DSCAM: variants seen among roughly 807,000 people sequenced by gnomAD.
DSCAM encodes the protein cell adhesion molecule DSCAM.
Under a neutral mutation model 217.7 loss-of-function variants are expected in DSCAM, and 47 were observed. That is an observed-to-expected ratio of 0.22 (90% CI 0.17 to 0.28). The LOEUF (loss-of-function observed/expected upper bound fraction) is 0.28, where lower values mean the gene tolerates loss of function less well. Ranked by LOEUF, DSCAM falls within the 10% of genes least tolerant of loss-of-function variation. The pLI, the probability that DSCAM is intolerant of heterozygous loss-of-function variation, is 1.00. For missense variants in DSCAM, 2,080 were observed against 2,618.3 expected (o/e 0.79, Z 4.49); for synonymous variants, 1,056 against 1,015.3 (o/e 1.04, Z -0.76).
chr21:40,172,033 C>G (rs2090664228), intron 15 of DSCAM, among the ~76,000 whole-genome samples: 1 of 152,168 alleles, frequency 6.6e-6, no homozygotes, highest in Non-Finnish European at 1.5e-5. Context: ...ACTTTGGAAG[C>G]CAAAGTGGGC....
chr21:40,676,682 A>G (rs2090343989), intron 3 of DSCAM, among the ~76,000 whole-genome samples: 1 of 152,204 alleles, frequency 6.6e-6, no homozygotes, highest in South Asian at 2.1e-4. Flanking sequence ...GGAAAGTTCG[A>G]ACACAGAATT....
intron 20 of DSCAM, among the ~76,000 whole-genome samples, chr21:40,118,717 C>G (rs1318428911): frequency 6.6e-6 from 1 of 152,202 alleles, no homozygotes; most frequent in East Asian, 1.9e-4. Flanking sequence ...TCTCTTCCTG[C>G]AAGCCAGGGC....
At chr21:40,123,436 A>G (rs1462031693) in intron 20 of DSCAM, among the ~76,000 whole-genome samples, 1 of 152,202 alleles carries the variant, frequency 6.6e-6, no homozygotes, top group African/African-American at 2.4e-5. Context: ...GCTGCAGAAA[A>G]TGTCATAATG....
chr21:40,227,175 G>A (rs1004485204), intron 11 of DSCAM, among the ~76,000 whole-genome samples: 2 of 152,072 alleles, frequency 1.3e-5, no homozygotes, highest in African/African-American at 4.8e-5. Context: ...AATCATTTAA[G>A]GATCAAAGAC....
chr21:40,197,475 C>T (rs188469864), intron 11 of DSCAM, among the ~76,000 whole-genome samples: 89 of 152,330 alleles, frequency 5.8e-4, no homozygotes, highest in Middle Eastern at 3.4e-3. Flanking sequence ...CTGGAAATGA[C>T]TAGACCTATT....
At chr21:40,113,892 A>G (rs1298949740) in intron 20 of DSCAM, among the ~76,000 whole-genome samples, 3 of 152,008 alleles carry the variant, frequency 2.0e-5, no homozygotes, top group Non-Finnish European at 2.9e-5. Context: ...ACTACAAACC[A>G]CTGCTCAACG....
In DSCAM at chr21:40,378,554, ATTTTTTTTTTTTTTTTTTTTTTTTTT is replaced by A. The variant is rs71186931; in HGVS notation, c.509-9335_509-9310del. On this transcript the variant is annotated intron_variant, in intron 3 of 32. Transcript: ENST00000400454. ...ATGCATAATTTAACAATGAAAACTT[ATTTTTTTTTTTTTTTTTTTTTTTTTT>A]TTTTTTTTTTTTTTTTTTTTTTTTT... 2.7e-3 allele frequency among the ~76,000 whole-genome samples: 207 copies of A among 75,712 alleles called. 14 individuals are homozygous for A. The highest frequency in any genetic ancestry group is 9.1e-3 in the African/African-American group (178 of 19,646). The allele number at this position is 75,712 out of a possible 152,430, so 49.7% of individuals were successfully genotyped here.
intron 3 of DSCAM, among the ~76,000 whole-genome samples, chr21:40,579,557 T>C (rs923307890): frequency 2.6e-5 from 4 of 152,050 alleles, no homozygotes; most frequent in African/African-American, 4.8e-5. Context: ...TCTAGAAAGA[T>C]TACAAGCCAA....
chr21:40,429,604 T>C (rs1014910502), intron 3 of DSCAM, among the ~76,000 whole-genome samples: 8 of 152,184 alleles, frequency 5.3e-5, no homozygotes, highest in Non-Finnish European at 1.0e-4. Flanking sequence ...TGGACCCAGA[T>C]AGCCTGGGCT....
intron 3 of DSCAM, among the ~76,000 whole-genome samples, chr21:40,427,711 G>A (rs149182109): frequency 1.6e-4 from 25 of 152,332 alleles, no homozygotes; most frequent in Non-Finnish European, 1.3e-4. Context: ...TTGGAAGAAT[G>A]CTGCAGATTC....
chr21:40,082,886 C>T lies in DSCAM; in HGVS notation c.4231+1022G>A, dbSNP rs569193473. ...GGGAAGGGATGTGGCACCTCACTCTCGGAGCTGGAAGGAGCTGCTCCAGCA... is the reference window on the plus strand; with the variant it reads ...GGGAAGGGATGTGGCACCTCACTCTTGGAGCTGGAAGGAGCTGCTCCAGCA... On this transcript the variant is annotated intron_variant, in intron 24 of 32. Transcript: ENST00000400454. Among the ~76,000 whole-genome samples the T allele has an allele frequency of 5.9e-3, 892 of 152,226 alleles. 9 individuals carry two copies. The highest frequency in any genetic ancestry group is 8.1e-3 in the Non-Finnish European group (548 of 68,022).
chr21:40,302,328 G>A (rs2074026462), intron 9 of DSCAM, among the ~76,000 whole-genome samples: 1 of 152,084 alleles, frequency 6.6e-6, no homozygotes, highest in African/African-American at 2.4e-5. Flanking sequence ...GATAGTGAAT[G>A]AGTCTCATGA....
At chr21:40,448,417 G>GC (rs1199456872) in intron 3 of DSCAM, among the ~76,000 whole-genome samples, 4 of 151,982 alleles carry the variant, frequency 2.6e-5, no homozygotes, top group East Asian at 1.9e-4. Context: ...TACACTAGTG[G>GC]CCCCCCAGTT....
chr21:40,329,845 C>A (rs1189457618), intron 8 of DSCAM, among the ~76,000 whole-genome samples: 1 of 151,822 alleles, frequency 6.6e-6, no homozygotes, highest in Non-Finnish European at 1.5e-5. Context: ...AAAGGTTGAT[C>A]TTATAGAAGT....
intron 1 of DSCAM, among the ~76,000 whole-genome samples, chr21:40,829,078 T>A (rs539776868): frequency 6.6e-6 from 1 of 152,334 alleles, no homozygotes; most frequent in East Asian, 1.9e-4. Context: ...GTCAATTTTA[T>A]CTGCCCAGGG....
intron 3 of DSCAM, among the ~76,000 whole-genome samples, chr21:40,603,922 T>G (rs1158029962): frequency 9.4e-6 from 1 of 106,314 alleles, no homozygotes; most frequent in Non-Finnish European, 1.9e-5. Flanking sequence ...CTTTTTTGCA[T>G]TTCTTTTTTT....
chr21:40,669,591 T>TATA (rs893213692), intron 3 of DSCAM, among the ~76,000 whole-genome samples: 2 of 4,550 alleles, frequency 4.4e-4, no homozygotes, highest in African/African-American at 7.1e-4. Context: ...GTTATATATA[T>TATA]TTTTTTTTTT....
At chr21:40,552,208 G>A (rs1423764641) in intron 3 of DSCAM, among the ~76,000 whole-genome samples, 4 of 152,116 alleles carry the variant, frequency 2.6e-5, no homozygotes, top group Non-Finnish European at 5.9e-5. Flanking sequence ...CAGCTACTCA[G>A]GAGGCTGAGG....
At chr21:40,358,493 C>A (rs2074720505) in intron 4 of DSCAM, among the ~76,000 whole-genome samples, 1 of 151,958 alleles carries the variant, frequency 6.6e-6, no homozygotes, top group Non-Finnish European at 1.5e-5. Context: ...CAGAAAAAAT[C>A]AACATAATAA....
Sources: allele counts gnomAD v4.1 joint callset (sites outside exome capture counted in the v4.1 genomes callset), GRCh38; gene constraint gnomAD v4.1.1; transcripts MANE v1.5; gene names NCBI Gene and HGNC (gene_info 2026-07-23, HGNC 2026-07-21).